Variants in ARB2A observed in about 807,000 individuals in gnomAD.
ARB2A encodes ARB2 cotranscriptional regulator A.
At chr5:93,854,531 A>C in the ARB2A span, among the ~76,000 whole-genome samples, 138 of 151,952 alleles carry the variant, frequency 9.1e-4, 1 homozygote, top group Middle Eastern at 0.01. Context: ...TTTTCTAGTT[A>C]TTTTAATTGT....
At chr5:93,958,222 T>G in the ARB2A span, among the ~76,000 whole-genome samples, 1 of 152,094 alleles carries the variant, frequency 6.6e-6, no homozygotes, top group Non-Finnish European at 1.5e-5. Context: ...TGCCATTCTG[T>G]ATGTCTATGT....
the ARB2A span, chr5:94,055,812 A>G: frequency 2.0e-6 from 2 of 985,470 alleles, no homozygotes; most frequent in Non-Finnish European, 2.4e-6. Flanking sequence ...CTACAATTCA[A>G]AACTTACAAA....
At chr5:93,947,964 A>T in the ARB2A span, among the ~76,000 whole-genome samples, 6 of 152,080 alleles carry the variant, frequency 3.9e-5, no homozygotes, top group African/African-American at 9.7e-5. Context: ...ATAGTGCCGC[A>T]ATAAACATAT....
the ARB2A span, among the ~76,000 whole-genome samples, chr5:93,677,623 G>T: frequency 6.6e-6 from 1 of 152,174 alleles, no homozygotes; most frequent in Non-Finnish European, 1.5e-5. Context: ...GGACTAGCCT[G>T]GACAAAACTG....
chr5:93,684,542 G>A, the ARB2A span, among the ~76,000 whole-genome samples: 2 of 152,176 alleles, frequency 1.3e-5, no homozygotes, highest in African/African-American at 2.4e-5. Flanking sequence ...TCAATGAAGT[G>A]TAGCTTACCT....
chr5:93,739,076 G>C, the ARB2A span: 1 of 152,180 alleles, frequency 6.6e-6, no homozygotes, highest in East Asian at 1.9e-4. Context: ...CAGAAGATCA[G>C]AGTTAACTCT....
At chr5:93,649,310 A>G in the ARB2A span, among the ~76,000 whole-genome samples, 1 of 152,182 alleles carries the variant, frequency 6.6e-6, no homozygotes, top group East Asian at 1.9e-4. Context: ...AAAGACATCT[A>G]TTTGATAGGA....
chr5:94,095,833 T>C, the ARB2A span, among the ~76,000 whole-genome samples: 6 of 152,168 alleles, frequency 3.9e-5, no homozygotes, highest in Non-Finnish European at 7.3e-5. Flanking sequence ...CTATTACTGA[T>C]TCGAATAACT....
chr5:93,915,184 A>G, the ARB2A span, among the ~76,000 whole-genome samples: 3 of 151,910 alleles, frequency 2.0e-5, no homozygotes, highest in South Asian at 4.2e-4. Context: ...AATGACCACA[A>G]GTTTTTCAGT....
chr5:93,817,080 A>G, the ARB2A span, among the ~76,000 whole-genome samples: 4 of 145,916 alleles, frequency 2.7e-5, no homozygotes, highest in Non-Finnish European at 6.0e-5. Context: ...CCTAAGGAAT[A>G]CACACAAACA....
At chr5:93,910,348 G>C in the ARB2A span, among the ~76,000 whole-genome samples, 1 of 150,858 alleles carries the variant, frequency 6.6e-6, no homozygotes, top group Non-Finnish European at 1.5e-5. Flanking sequence ...CCAAAATGCT[G>C]AAAAAAGTAT....
chr5:93,738,011 C>T, the ARB2A span: 1 of 407,142 alleles, frequency 2.5e-6, no homozygotes, highest in South Asian at 1.8e-5. Context: ...TCAAAAGATA[C>T]AGTCAAAAGA....
chr5:93,618,858 G>C, the ARB2A span: 1 of 152,188 alleles, frequency 6.6e-6, no homozygotes, highest in Non-Finnish European at 1.5e-5. Context: ...AAAAAGAGGA[G>C]AGATGATTTC....
the ARB2A span, among the ~76,000 whole-genome samples, chr5:93,876,527 T>G: frequency 3.9e-5 from 6 of 152,100 alleles, no homozygotes; most frequent in Admixed American, 3.3e-4. Context: ...TCATATCTAT[T>G]TATACTCAGC....
At chr5:94,065,296 T>C in the ARB2A span, among the ~76,000 whole-genome samples, 2 of 152,140 alleles carry the variant, frequency 1.3e-5, no homozygotes, top group Non-Finnish European at 2.9e-5. Context: ...GGCAGATCAC[T>C]TGAGCTCAGG....
At chr5:93,818,192 A>G in the ARB2A span, among the ~76,000 whole-genome samples, 1 of 152,084 alleles carries the variant, frequency 6.6e-6, no homozygotes, top group East Asian at 1.9e-4. Context: ...ACAGATAATA[A>G]TAAGTGCTGA....
At chr5:93,881,515 A>G in the ARB2A span, 1 of 1,610,670 alleles carries the variant, frequency 6.2e-7, no homozygotes, top group Non-Finnish European at 8.5e-7. Context: ...GGGGGTTACG[A>G]TACTTCTCAT....
At chr5:93,741,007 T>G in the ARB2A span, 67 of 1,613,654 alleles carry the variant, frequency 4.2e-5, no homozygotes, top group Middle Eastern at 3.3e-4. Flanking sequence ...CTTCAGCCAC[T>G]TTTTCAGCAG....
At chr5:94,038,283 C>A in the ARB2A span, among the ~76,000 whole-genome samples, 1 of 151,986 alleles carries the variant, frequency 6.6e-6, no homozygotes, top group African/African-American at 2.4e-5. Flanking sequence ...CAGTCTTTCT[C>A]TGAGTTTAAC....
Sources: allele counts gnomAD v4.1 joint callset (sites outside exome capture counted in the v4.1 genomes callset), GRCh38; gene constraint gnomAD v4.1.1; transcripts MANE v1.5; gene names NCBI Gene and HGNC (gene_info 2026-07-23, HGNC 2026-07-21).